The following RUBCN variants were observed in gnomAD, a reference collection of about 807,000 sequenced individuals.
RUBCN encodes run domain Beclin-1-interacting and cysteine-rich domain-containing protein.
A neutral mutation model predicts 113.2 loss-of-function variants in RUBCN; 74 were observed. The observed-to-expected ratio is 0.65, with a 90% CI of 0.54 to 0.79. RUBCN has a LOEUF of 0.79. Ranked by LOEUF, RUBCN falls within the 30% of genes least tolerant of loss-of-function variation. The pLI, the probability that RUBCN is intolerant of heterozygous loss-of-function variation, is 0.00. For synonymous variants in RUBCN, 480 were observed against 490.0 expected (o/e 0.98, Z 0.27); for missense variants, 1,109 against 1,251.7 (o/e 0.89, Z 1.72).
chr3:197,692,431 C>A (rs1227751771), intron 11 of RUBCN, among the ~76,000 whole-genome samples: 1 of 151,664 alleles, frequency 6.6e-6, no homozygotes, highest in African/African-American at 2.4e-5. Flanking sequence ...AATTATCCTG[C>A]CTTGGGGAAG....
At chr3:197,684,314 G>C in intron 11 of RUBCN, 97 bp from the exon 12 acceptor site, 1 of 899,792 alleles carries the variant, frequency 1.1e-6, no homozygotes, top group Admixed American at 1.7e-5. Context: ...AGCTCTCAGG[G>C]TAACAGCCAG....
Position 197,722,210 on chromosome 3 carries a change from C to T in RUBCN, c.66-4080G>A, listed in dbSNP as rs566153428. On this transcript the variant is annotated intron_variant, in intron 1 of 19. Coordinates refer to ENST00000296343, the MANE Select transcript of RUBCN (RefSeq NM_014687.4). ...CTGGGATTGCACCACTGCACTCCAG[C>T]CTGGGTGACAGAGTGAGACCCCATT... 2.1e-4 allele frequency among the ~76,000 whole-genome samples: 32 copies of T among 151,776 alleles called. 1 individual carries two copies. The South Asian group carries it at 6.7e-3, about 32-fold the overall frequency.
Position 197,668,924 on chromosome 3 carries a change from G to C in RUBCN, c.*6094C>G, listed in dbSNP as rs1449061200. On this transcript the variant is annotated 3_prime_UTR_variant, in exon 20 of 20. Coordinates refer to ENST00000296343, the MANE Select transcript of RUBCN (RefSeq NM_014687.4). The stretch of plus-strand genomic sequence containing the variant: ...TCATTTACAGCTAATTCAGTAAGCA[G>C]ATAAGAGGAAAAAATACTCCACAAT... Among the ~76,000 whole-genome samples, 1 of 152,174 alleles carries C rather than the reference G, an allele frequency of 6.6e-6. No homozygotes were observed. Among genetic ancestry groups the C allele is most frequent in the East Asian group, 1.9e-4 (1 of 5,204 alleles).
chr3:197,720,588 A>G (rs1277294824), intron 1 of RUBCN, among the ~76,000 whole-genome samples: 1 of 151,818 alleles, frequency 6.6e-6, no homozygotes, highest in African/African-American at 2.4e-5. Context: ...TTGTATTTTT[A>G]GTTAGATGGG....
chr3:197,727,887 ACAC>A (rs1275534661), intron 1 of RUBCN, among the ~76,000 whole-genome samples: 1 of 152,278 alleles, frequency 6.6e-6, no homozygotes, highest in Non-Finnish European at 1.5e-5. Flanking sequence ...CAGGCACACA[ACAC>A]CACTTTAATA....
chr3:197,740,624 C>G (rs945425476), upstream of RUBCN, among the ~76,000 whole-genome samples: 5 of 149,006 alleles, frequency 3.4e-5, no homozygotes, highest in South Asian at 8.4e-4. Context: ...AATATATTCT[C>G]TTTCTTTTTT....
At chr3:197,705,678 T>C (rs1724222508) in intron 2 of RUBCN, among the ~76,000 whole-genome samples, 1 of 152,134 alleles carries the variant, frequency 6.6e-6, no homozygotes, top group Non-Finnish European at 1.5e-5. Flanking sequence ...ACCATTCTTT[T>C]GAACAGGTAA....
At chr3:197,749,429 G>A (rs1728906458) in exon 1 of RUBCN, 2 of 1,227,678 alleles carry the variant, frequency 1.6e-6, no homozygotes, top group Non-Finnish European at 2.1e-6. Flanking sequence ...TTTGCGTTCA[G>A]ATGCGGCAGC....
chr3:197,698,281 A>G (rs1025154286), intron 7 of RUBCN, among the ~76,000 whole-genome samples: 6 of 152,214 alleles, frequency 3.9e-5, no homozygotes, highest in South Asian at 2.1e-4. Context: ...CTCTTTAACC[A>G]TCTGTTTTCC....
At chr3:197,677,713 C>A (rs569474636) in intron 16 of RUBCN, among the ~76,000 whole-genome samples, 172 bp from the exon 17 acceptor site, 1 of 150,354 alleles carries the variant, frequency 6.7e-6, no homozygotes, top group African/African-American at 2.4e-5. Flanking sequence ...TGCTCTGACT[C>A]GACACCTGGC....
At chr3:197,708,158 C>T (rs539426451) in intron 2 of RUBCN, among the ~76,000 whole-genome samples, 73 of 150,720 alleles carry the variant, frequency 4.8e-4, no homozygotes, top group African/African-American at 1.7e-3. Context: ...TTTTCCAAGA[C>T]GGAGTCTTGC....
intron 1 of RUBCN, 62 bp from the exon 2 acceptor site, chr3:197,718,192 T>C (rs1454439777): frequency 1.3e-6 from 2 of 1,594,666 alleles, no homozygotes; most frequent in Non-Finnish European, 1.7e-6. Context: ...CCTGATCATA[T>C]CAAAGAAAGT....
chr3:197,679,543 C>T (rs1167130963), intron 16 of RUBCN, among the ~76,000 whole-genome samples: 11 of 147,174 alleles, frequency 7.5e-5, no homozygotes, highest in East Asian at 2.1e-4. Context: ...GACTGTCCTA[C>T]GCTCTGACAA....
At position 197,674,919 on chromosome 3, in the gene RUBCN, A is replaced by AG. The variant is rs1720172937; in HGVS notation, c.*98_*99insC. ...AAGATGATGATAATTAAAAAAAAAAAAAAAAAAAGAAGCCCCAGGTGGGGC... is the reference window on the plus strand; with the variant it reads ...AAGATGATGATAATTAAAAAAAAAAAGAAAAAAAAGAAGCCCCAGGTGGGGC... On this transcript the variant is annotated 3_prime_UTR_variant, in exon 20 of 20. Transcript: ENST00000296343. The AG allele has an allele frequency of 9.8e-7, 1 of 1,024,002 alleles. No homozygotes were observed. Among genetic ancestry groups the AG allele is most frequent in the East Asian group, 2.7e-5 (1 of 36,506 alleles). 63.4% of individuals were successfully genotyped at this position (1,024,002 alleles called of 1,614,324 possible).
chr3:197,677,564 A>G lies in RUBCN; in HGVS notation c.2431-23T>C, dbSNP rs544352129. The stretch of plus-strand genomic sequence containing the variant: ...CAGCTGAAAAGAAAGAGAGGGGGGC[A>G]GGAGTGGGAGGGAGATGTGAGAAGA... On this transcript the variant is annotated intron_variant, in intron 16 of 19. Transcript: ENST00000296343. The G allele has an allele frequency of 3.7e-6, 6 of 1,609,816 alleles. No individual in the cohort carries two copies. The Admixed American group carries it at 5.0e-5, about 13-fold the overall frequency.
At chr3:197,678,382 C>T (rs972411279) in intron 16 of RUBCN, among the ~76,000 whole-genome samples, 1 of 151,426 alleles carries the variant, frequency 6.6e-6, no homozygotes, top group Non-Finnish European at 1.5e-5. Context: ...GACTGTCCTA[C>T]ACTCTGACAA....
At position 197,683,526 on chromosome 3, in the gene RUBCN, G is replaced by A; in HGVS notation, c.1848-87C>T. The stretch of plus-strand genomic sequence containing the variant: ...CCTTCATGATCTCATCCCCCACGCA[G>A]CAACTTCTGGGCTGGAAGAACACCC... On this transcript the variant is annotated intron_variant, in intron 12 of 19. Coordinates refer to ENST00000296343, the MANE Select transcript of RUBCN (RefSeq NM_014687.4). This position sits in a 1 kb window ranked among gnomAD's most constrained non-coding sequence, Gnocchi z 4.6. The A allele has an allele frequency of 2.0e-6, 3 of 1,498,456 alleles. No individual in the cohort carries two copies. The highest frequency in any genetic ancestry group is 2.3e-5 in the East Asian group (1 of 42,788). The allele number at this position is 1,498,456 out of a possible 1,614,324, so 92.8% of individuals were successfully genotyped here.
At chr3:197,717,089 C>A (rs1385738446) in intron 2 of RUBCN, among the ~76,000 whole-genome samples, 1 of 151,942 alleles carries the variant, frequency 6.6e-6, no homozygotes, top group African/African-American at 2.4e-5. Context: ...TCATTGCATT[C>A]CAGCCTGGGT....
At position 197,700,819 on chromosome 3, in the gene RUBCN, T is replaced by C; in HGVS notation, c.1055A>G (p.Asn352Ser). ...HSSNAESSSS[N>S]LFSSSSSQKP... ...CTGGGAGCTGCTGGAGGAGAACAAA[T>C]TGGAACTGCTGCTCTCGGCATTGCT... Residue 352 changes from asparagine (N) to serine (S), a missense_variant, in exon 7 of 20, where the codon AAT (asparagine) becomes AGT (serine). By Grantham distance (46) the Asn-to-Ser change is conservative. This residue lies in a region of RUBCN where 736 missense variants were observed against 779.6 expected (regional missense o/e 0.94). Coordinates refer to ENST00000296343, the MANE Select transcript of RUBCN (RefSeq NM_014687.4). The C allele has an allele frequency of 6.2e-7, 1 of 1,614,088 alleles. No homozygotes were observed. Among genetic ancestry groups the C allele is most frequent in the Non-Finnish European group, 8.5e-7 (1 of 1,180,010 alleles).
Sources: allele counts gnomAD v4.1 joint callset (sites outside exome capture counted in the v4.1 genomes callset), GRCh38; gene constraint gnomAD v4.1.1; regional missense constraint gnomAD v4.1.1; non-coding constraint Gnocchi (gnomAD v3.1); transcripts MANE v1.5; gene names NCBI Gene and HGNC (gene_info 2026-07-23, HGNC 2026-07-21).